BTG4: variants seen among roughly 807,000 people sequenced by gnomAD.
The protein encoded by BTG4 is protein BTG4.
BTG4 carries 10 observed loss-of-function variants against 19.3 expected under a neutral mutation model. That is an observed-to-expected ratio of 0.52 (90% CI 0.32 to 0.88). BTG4 has a LOEUF of 0.88. Ranked by LOEUF, BTG4 falls within the 40% of genes least tolerant of loss-of-function variation. The pLI is 0.04. For synonymous variants in BTG4, 91 were observed against 95.7 expected (o/e 0.95, Z 0.29); for missense variants, 238 against 281.9 (o/e 0.84, Z 1.11).
intron 1 of BTG4, among the ~76,000 whole-genome samples, chr11:111,503,205 ACTTGTAACCAACAGATT>A: frequency 6.6e-6 from 1 of 152,240 alleles, no homozygotes; most frequent in East Asian, 1.9e-4. Context: ...AGTTTCAAAC[ACTTGTAACCAACAGATT>A]AATGTTATCA....
chr11:111,463,394 G>A (rs907721821), downstream of BTG4: 1 of 152,562 alleles, frequency 6.6e-6, no homozygotes, highest in African/African-American at 2.4e-5. Flanking sequence ...CTCAGGGACC[G>A]GGCTGCTACC....
At chr11:111,475,779 G>A (rs1483565759) in intron 5 of BTG4, among the ~76,000 whole-genome samples, 2 of 152,224 alleles carry the variant, frequency 1.3e-5, no homozygotes, top group Non-Finnish European at 2.9e-5. Flanking sequence ...ATAAAGACAT[G>A]CTTCAGACTG....
chr11:111,472,021 A>G (rs1229169003), intron 5 of BTG4, among the ~76,000 whole-genome samples: 1 of 152,186 alleles, frequency 6.6e-6, no homozygotes, highest in Non-Finnish European at 1.5e-5. Flanking sequence ...CCCTTGTGAA[A>G]AGGCCACCAT....
the BTG4 span, among the ~76,000 whole-genome samples, chr11:111,461,428 G>A: frequency 6.6e-6 from 1 of 152,168 alleles, no homozygotes; most frequent in Non-Finnish European, 1.5e-5. Context: ...GGAGGAACCA[G>A]GGAGCTTGAA....
chr11:111,490,279 T>TGA (rs1555113763), downstream of BTG4, among the ~76,000 whole-genome samples: 1 of 150,548 alleles, frequency 6.6e-6, no homozygotes, highest in Non-Finnish European at 1.5e-5. Flanking sequence ...ATCTCAAAAA[T>TGA]AAAAAAAATA....
downstream of BTG4, among the ~76,000 whole-genome samples, chr11:111,493,507 C>T (rs1865543337): frequency 6.6e-6 from 1 of 152,176 alleles, no homozygotes; most frequent in African/African-American, 2.4e-5. Context: ...AATACTTACA[C>T]CCATTGCTGG....
chr11:111,461,297 C>T, the BTG4 span, among the ~76,000 whole-genome samples: 1 of 152,066 alleles, frequency 6.6e-6, no homozygotes, highest in East Asian at 1.9e-4. Flanking sequence ...TATGTCTTCA[C>T]GATATGAGGA....
intron 5 of BTG4, among the ~76,000 whole-genome samples, chr11:111,474,387 A>G (rs1029277544): frequency 1.3e-5 from 2 of 152,150 alleles, no homozygotes; most frequent in Non-Finnish European, 2.9e-5. Context: ...GACTTCAAAC[A>G]TCATCAATAG....
the BTG4 span, chr11:111,416,559 C>A: frequency 6.6e-6 from 1 of 152,210 alleles, no homozygotes; most frequent in Non-Finnish European, 1.5e-5. Context: ...CCAGAGTACA[C>A]CTTGGCTCTC....
chr11:111,498,098 T>C lies in BTG4; in HGVS notation c.211A>G (p.Ile71Val), dbSNP rs1565467076. ...RINNNQNKDP[I>V]LERACVESNV... The stretch of plus-strand genomic sequence containing the variant: ...CTTTCCACACATGCCCTTTCTAGAA[T>C]GGGATCTTTATTCTGATTGTTGTTT... Residue 71 changes from isoleucine (I) to valine (V), a missense_variant, in exon 3 of 5, where the codon ATT becomes GTT. Transcript: ENST00000692032. 6.2e-7 allele frequency: 1 copy of C among 1,614,112 alleles called. No individual in the cohort carries two copies. The highest frequency in any genetic ancestry group is 2.2e-5 in the East Asian group (1 of 44,884).
the BTG4 span, among the ~76,000 whole-genome samples, chr11:111,429,001 C>A: frequency 2.6e-5 from 4 of 152,214 alleles, no homozygotes; most frequent in Non-Finnish European, 4.4e-5. Context: ...TCCCCATTCA[C>A]GAATTTGTCC....
At chr11:111,413,471 G>A in the BTG4 span, among the ~76,000 whole-genome samples, 1 of 152,206 alleles carries the variant, frequency 6.6e-6, no homozygotes, top group Non-Finnish European at 1.5e-5. Flanking sequence ...TGCTGTGATA[G>A]GTGCCCTCAC....
the BTG4 span, chr11:111,415,796 T>G: frequency 0.42 from 63,727 of 151,960 alleles, 13,682 homozygotes; most frequent in Admixed American, 0.5. Flanking sequence ...ATCTCAACAC[T>G]TTGCAAGCCT....
chr11:111,385,649 T>C, the BTG4 span: 1 of 152,112 alleles, frequency 6.6e-6, no homozygotes, highest in Non-Finnish European at 1.5e-5. Flanking sequence ...CCTATCAATA[T>C]AATTCACCAC....
At chr11:111,433,291 C>T in the BTG4 span, among the ~76,000 whole-genome samples, 1 of 152,138 alleles carries the variant, frequency 6.6e-6, no homozygotes, top group African/African-American at 2.4e-5. Flanking sequence ...CTGACAAAAA[C>T]AAGCAACAGG....
the BTG4 span, among the ~76,000 whole-genome samples, chr11:111,406,591 A>G: frequency 2.6e-5 from 4 of 152,264 alleles, 1 homozygote; most frequent in East Asian, 1.9e-4. Flanking sequence ...TCCCTGGGGG[A>G]AAAAACATCT....
chr11:111,467,787 A>T lies in BTG4; in HGVS notation c.663-106T>A, dbSNP rs1863809403. 1.2e-5 allele frequency: 8 copies of T among 641,528 alleles called. No homozygotes were observed. In the South Asian group the frequency reaches 1.6e-4, roughly 13 times the overall value. 39.7% of individuals were successfully genotyped at this position (641,528 alleles called of 1,614,324 possible). The stretch of plus-strand genomic sequence containing the variant: ...CTCCTGGAAATAAGTCATTTAGCTA[A>T]GGCATAATAAATGTCACAGTGTAAG... On this transcript the variant is annotated intron_variant, in intron 5 of 5. Coordinates refer to the BTG4 transcript ENST00000356018.
the BTG4 span, chr11:111,434,960 C>T: frequency 2.0e-5 from 3 of 152,284 alleles, no homozygotes; most frequent in Non-Finnish European, 2.9e-5. Flanking sequence ...AATAAGATCT[C>T]ACCTGACAAG....
At chr11:111,448,724 T>C in the BTG4 span, 1 of 152,550 alleles carries the variant, frequency 6.6e-6, no homozygotes, top group African/African-American at 2.4e-5. Flanking sequence ...ACTGTTTTGG[T>C]CTCAAGTCAA....
Sources: allele counts gnomAD v4.1 joint callset (sites outside exome capture counted in the v4.1 genomes callset), GRCh38; gene constraint gnomAD v4.1.1; transcripts MANE v1.5; gene names NCBI Gene and HGNC (gene_info 2026-07-23, HGNC 2026-07-21).